CYTH1: variants seen among roughly 807,000 people sequenced by gnomAD.
CYTH1 encodes the protein cytohesin 1.
A neutral mutation model predicts 61.8 loss-of-function variants in CYTH1; 18 were observed. The ratio of observed to expected loss-of-function variants is 0.29; its 90% confidence interval spans 0.20 to 0.43. The LOEUF (loss-of-function observed/expected upper bound fraction) is 0.43, where lower values mean the gene tolerates loss of function less well. Among genes scored for constraint, CYTH1 ranks in the 20% least tolerant of loss-of-function variants. CYTH1 has a pLI of 1.00. For synonymous variants in CYTH1, 174 were observed against 184.3 expected (o/e 0.94, Z 0.45); for missense variants, 336 against 510.5 (o/e 0.66, Z 3.29).
intron 3 of CYTH1, among the ~76,000 whole-genome samples, chr17:78,707,241 G>C (rs1035447970): frequency 1.3e-5 from 2 of 152,136 alleles, no homozygotes; most frequent in African/African-American, 2.4e-5. Flanking sequence ...ACAGTCCTAC[G>C]AAGCCAGACA....
chr17:78,756,935 C>G (rs932889640), intron 1 of CYTH1, among the ~76,000 whole-genome samples: 5 of 150,432 alleles, frequency 3.3e-5, no homozygotes, highest in African/African-American at 1.2e-4. Flanking sequence ...AAAAATTAGA[C>G]TAAGATTATT....
intron 1 of CYTH1, among the ~76,000 whole-genome samples, chr17:78,779,167 T>G (rs1394932617): frequency 1.3e-5 from 2 of 151,536 alleles, no homozygotes; most frequent in African/African-American, 4.9e-5. Context: ...TTGGGAGGCT[T>G]AGGCAGGCAG....
Position 78,702,202 on chromosome 17 carries a change from G to T in CYTH1, c.276C>A (p.Asn92Lys), listed in dbSNP as rs762428542. The change falls in exon 5 of 14, where the codon AAC (asparagine) becomes AAA (lysine). Residue 92 changes from asparagine to lysine, a missense_variant. Asn to Lys is a moderately conservative substitution (Grantham distance 94). Around this residue, in one of 4 missense-constraint regions of CYTH1, gnomAD observed 112 missense variants for 127.1 expected, o/e 0.88. Transcript: ENST00000446868. ...QFLIENDLLK[N>K]TCEDIAQFLY... is the part of the protein sequence containing the mutation. ...AGAACTGGGCAATGTCTTCACAAGTGTTCTTCAGGAGGTCGTTCTCTATTA... is the reference window on the plus strand; with the variant it reads ...AGAACTGGGCAATGTCTTCACAAGTTTTCTTCAGGAGGTCGTTCTCTATTA... 61 of 1,614,042 alleles carry T rather than the reference G, an allele frequency of 3.8e-5. No homozygotes were observed. The highest frequency in any genetic ancestry group is 5.0e-5 in the Non-Finnish European group (59 of 1,180,020).
intron 10 of CYTH1, among the ~76,000 whole-genome samples, chr17:78,693,440 G>A (rs1048593705): frequency 1.8e-4 from 28 of 151,984 alleles, no homozygotes; most frequent in African/African-American, 6.5e-4. Context: ...CGGCCAACAT[G>A]GTGAATCCCC....
At chr17:78,755,272 T>C (rs1290053627) in intron 1 of CYTH1, among the ~76,000 whole-genome samples, 2 of 151,386 alleles carry the variant, frequency 1.3e-5, no homozygotes, top group African/African-American at 4.9e-5. Flanking sequence ...GCCTCCCGGG[T>C]TCAAGCAATT....
chr17:78,778,056 A>T (rs534735856), intron 1 of CYTH1, among the ~76,000 whole-genome samples: 44 of 152,194 alleles, frequency 2.9e-4, no homozygotes, highest in African/African-American at 1.0e-3. Flanking sequence ...TAATCCTAGC[A>T]CTTTGAGAGG....
chr17:78,735,415 GTGT>G (rs2093316087), intron 1 of CYTH1, among the ~76,000 whole-genome samples: 2 of 152,208 alleles, frequency 1.3e-5, no homozygotes, highest in Admixed American at 6.5e-5. Context: ...ACTCTCAAAA[GTGT>G]TCCCTTTGGA....
intron 1 of CYTH1, among the ~76,000 whole-genome samples, chr17:78,779,107 G>A (rs2093505646): frequency 6.6e-6 from 1 of 152,090 alleles, no homozygotes; most frequent in African/African-American, 2.4e-5. Context: ...TAAAACTGTA[G>A]AAAGGGGAAC....
At position 78,700,341 on chromosome 17, in the gene CYTH1, G is replaced by A; in HGVS notation, c.540C>T (p.Phe180=). The A allele has an allele frequency of 6.2e-7, 1 of 1,611,312 alleles. No individual in the cohort carries two copies. Among genetic ancestry groups the A allele is most frequent in the Non-Finnish European group, 8.5e-7 (1 of 1,178,722 alleles). Residue 180 remains phenylalanine, a synonymous_variant, in exon 7 of 14, where the codon TTC becomes TTT. Transcript: ENST00000446868. This position sits in a 1 kb window ranked among gnomAD's most constrained non-coding sequence, Gnocchi z 5.1. Reference sequence around the variant, plus strand: ...AATGATCGTATTTACCCGTGGACTGGAACACGCCATTATTGCACTGACAAT... The same window carrying A: ...AATGATCGTATTTACCCGTGGACTGAAACACGCCATTATTGCACTGACAAT... ...QRYCQCNNGV[F]QSTDTCYVLS...
chr17:78,681,221 T>C lies in CYTH1; in HGVS notation c.892-179A>G, dbSNP rs73387871. 2.6e-3 allele frequency among the ~76,000 whole-genome samples: 401 copies of C among 152,256 alleles called. 1 individual carries two copies. Among genetic ancestry groups the C allele is most frequent in the African/African-American group, 9.2e-3 (383 of 41,538 alleles). ...GAATAACACCAAAAATGTCTGAGGA[T>C]TGTCAATATAACTGCTAAGTCCTCC... On this transcript the variant is annotated intron_variant, in intron 11 of 13. Coordinates refer to ENST00000446868, the MANE Select transcript of CYTH1 (RefSeq NM_004762.6).
chr17:78,782,138 G>C, intron 1 of CYTH1, 64 bp downstream of exon 1: 1 of 1,237,084 alleles, frequency 8.1e-7, no homozygotes, highest in African/African-American at 1.6e-5. Flanking sequence ...GCTGCCGGAC[G>C]GCCGGGCCCG....
chr17:78,778,686 G>C (rs1327621700), intron 1 of CYTH1, among the ~76,000 whole-genome samples: 1 of 150,666 alleles, frequency 6.6e-6, no homozygotes, highest in Non-Finnish European at 1.5e-5. Context: ...AATTAGGCCT[G>C]GCACAGTGAC....
chr17:78,759,492 C>G (rs962433131), intron 1 of CYTH1, among the ~76,000 whole-genome samples: 2 of 152,162 alleles, frequency 1.3e-5, no homozygotes, highest in African/African-American at 4.8e-5. Flanking sequence ...TTAAAAGGAA[C>G]AAAACAGAAA....
intron 1 of CYTH1, among the ~76,000 whole-genome samples, chr17:78,747,034 T>C (rs1326663493): frequency 6.6e-6 from 1 of 150,888 alleles, no homozygotes; most frequent in Non-Finnish European, 1.5e-5. Flanking sequence ...TCTGTTGAAC[T>C]GTGCCAAGCA....
chr17:78,778,495 G>A (rs566197259), intron 1 of CYTH1, among the ~76,000 whole-genome samples: 5 of 151,568 alleles, frequency 3.3e-5, no homozygotes, highest in South Asian at 2.1e-4. Context: ...AAAATCAGCC[G>A]GGTGTGGTGG....
At chr17:78,712,110 AAGGGAGGAAGGAAGGG>A (rs1474168998) in intron 1 of CYTH1, among the ~76,000 whole-genome samples, 51 of 127,484 alleles carry the variant, frequency 4.0e-4, no homozygotes, top group African/African-American at 1.3e-3. Flanking sequence ...GGAAGGAAGG[AAGGGAGGAAGGAAGGG>A]AGGGAGGAAG....
intron 1 of CYTH1, among the ~76,000 whole-genome samples, chr17:78,767,828 T>C (rs1015917189): frequency 6.6e-6 from 1 of 152,162 alleles, no homozygotes; most frequent in Non-Finnish European, 1.5e-5. Flanking sequence ...AGGGGAAATG[T>C]GCAGGAAGCA....
chr17:78,759,663 C>T (rs1185137773), intron 1 of CYTH1, among the ~76,000 whole-genome samples: 1 of 152,198 alleles, frequency 6.6e-6, no homozygotes, highest in Non-Finnish European at 1.5e-5. Flanking sequence ...ACCCTCCAAG[C>T]GGAATACTGA....
intron 1 of CYTH1, among the ~76,000 whole-genome samples, chr17:78,773,778 G>A (rs1209929836): frequency 6.6e-6 from 1 of 152,020 alleles, no homozygotes; most frequent in African/African-American, 2.4e-5. Context: ...TTAAAAGAAA[G>A]GTAAACGACT....
Sources: gnomAD v4.1 joint callset for allele counts (sites outside exome capture counted in the v4.1 genomes callset) on GRCh38, gnomAD v4.1.1 for gene constraint, gnomAD v4.1.1 regional missense constraint, Gnocchi (gnomAD v3.1) non-coding constraint, MANE v1.5 for transcripts, NCBI Gene and HGNC (gene_info 2026-07-23, HGNC 2026-07-21) for gene names.